MDFIC2: variants seen among roughly 807,000 people sequenced by gnomAD.
The protein encoded by MDFIC2 is myoD family inhibitor domain-containing protein 2.
At chr3:70,225,089 A>C (rs1288608938) in intron 2 of MDFIC2, among the ~76,000 whole-genome samples, 1 of 152,186 alleles carries the variant, frequency 6.6e-6, no homozygotes, top group Non-Finnish European at 1.5e-5. Context: ...TTACAGAATA[A>C]ATATATGGTA....
At chr3:70,231,556 G>A (rs1701560204) in intron 2 of MDFIC2, among the ~76,000 whole-genome samples, 2 of 152,304 alleles carry the variant, frequency 1.3e-5, no homozygotes, top group Non-Finnish European at 2.9e-5. Context: ...TGTTAGTTGT[G>A]CTGGATGATT....
rs146369469 is a variant in MDFIC2, at chr3:70,250,876, G to A, written c.89-44086C>T. Among the ~76,000 whole-genome samples, 55 of 152,136 alleles carry A rather than the reference G, an allele frequency of 3.6e-4. 1 individual carries two copies. In the East Asian group the frequency reaches 8.5e-3, roughly 23 times the overall value. On this transcript the variant is annotated intron_variant, in intron 2 of 3. Transcript: ENST00000567252. ...GGGCAGACTGTCAAATAGTAAGAAG[G>A]CTTCATCAAAAATATATAGTACATT...
intron 2 of MDFIC2, among the ~76,000 whole-genome samples, chr3:70,269,368 C>T (rs969724959): frequency 3.9e-5 from 6 of 152,164 alleles, no homozygotes; most frequent in Non-Finnish European, 8.8e-5. Flanking sequence ...TGTCTGGATA[C>T]ATAGACACCC....
intron 2 of MDFIC2, among the ~76,000 whole-genome samples, chr3:70,247,875 TAA>T (rs1339379555): frequency 2.6e-5 from 4 of 152,044 alleles, no homozygotes; most frequent in Admixed American, 1.3e-4. Context: ...AATAATATCA[TAA>T]GTTATTTTTT....
intron 2 of MDFIC2, among the ~76,000 whole-genome samples, chr3:70,247,467 AAT>A (rs993493150): frequency 1.3e-5 from 2 of 151,772 alleles, no homozygotes; most frequent in African/African-American, 4.8e-5. Flanking sequence ...TTTATCATAT[AAT>A]ATATATTATC....
intron 3 of MDFIC2, among the ~76,000 whole-genome samples, chr3:70,204,113 T>C (rs1307608986): frequency 1.3e-5 from 2 of 152,166 alleles, no homozygotes; most frequent in Non-Finnish European, 2.9e-5. Context: ...TTCCATCCTG[T>C]TTTAAGTGGG....
rs535852393 is a variant in MDFIC2, at chr3:70,231,035, A to G, written c.89-24245T>C. Among the ~76,000 whole-genome samples the G allele has an allele frequency of 2.0e-5, 3 of 152,310 alleles. 1 individual carries two copies. The South Asian group carries it at 6.2e-4, about 32-fold the overall frequency. The stretch of plus-strand genomic sequence containing the variant: ...CAGCCCTGGAACATCGTGTCTTACC[A>G]TCGCTCTGCATTTGCAACAAATGCT... On this transcript the variant is annotated intron_variant, in intron 2 of 3. Transcript: ENST00000567252.
intron 2 of MDFIC2, among the ~76,000 whole-genome samples, chr3:70,248,783 A>G (rs773149693): frequency 3.3e-5 from 5 of 152,134 alleles, no homozygotes; most frequent in South Asian, 2.1e-4. Flanking sequence ...AACCTGGTTA[A>G]TATAAAACAA....
intron 2 of MDFIC2, among the ~76,000 whole-genome samples, chr3:70,224,002 C>T (rs545046949): frequency 6.1e-4 from 93 of 152,144 alleles, no homozygotes; most frequent in African/African-American, 2.0e-3. Context: ...TGCAAGACTG[C>T]AGTATCTACA....
chr3:70,308,489 T>G (rs532963763), intron 2 of MDFIC2, among the ~76,000 whole-genome samples: 1 of 152,280 alleles, frequency 6.6e-6, no homozygotes, highest in African/African-American at 2.4e-5. Context: ...AGTCTAATTT[T>G]TTGTAACAGC....
intron 2 of MDFIC2, among the ~76,000 whole-genome samples, chr3:70,228,335 A>C (rs1008137514): frequency 2.0e-5 from 3 of 152,112 alleles, no homozygotes; most frequent in Admixed American, 1.3e-4. Context: ...TTCTTTAATC[A>C]AAGTTTCATT....
chr3:70,242,239 C>T (rs1490156514), intron 2 of MDFIC2, among the ~76,000 whole-genome samples: 3 of 152,140 alleles, frequency 2.0e-5, no homozygotes, highest in Admixed American at 6.6e-5. Context: ...CATTCATATG[C>T]CTCCAATTAA....
intron 2 of MDFIC2, among the ~76,000 whole-genome samples, chr3:70,304,785 C>T (rs1702384044): frequency 6.6e-6 from 1 of 152,178 alleles, no homozygotes; most frequent in African/African-American, 2.4e-5. Flanking sequence ...TTTAGAATCT[C>T]CCGTGGCTTC....
intron 2 of MDFIC2, among the ~76,000 whole-genome samples, chr3:70,287,680 TCTGGTC>T (rs1489458904): frequency 2.0e-5 from 3 of 152,138 alleles, no homozygotes; most frequent in Non-Finnish European, 4.4e-5. Context: ...TGTGAATCCG[TCTGGTC>T]CTGGACTCTT....
chr3:70,296,056 A>G (rs947960047), intron 2 of MDFIC2, among the ~76,000 whole-genome samples: 3 of 152,176 alleles, frequency 2.0e-5, no homozygotes, highest in Non-Finnish European at 4.4e-5. Context: ...CAGGATTCTG[A>G]ATCTGTTTTA....
intron 2 of MDFIC2, among the ~76,000 whole-genome samples, chr3:70,235,314 T>C (rs1701597106): frequency 6.6e-6 from 1 of 152,210 alleles, no homozygotes; most frequent in Non-Finnish European, 1.5e-5. Flanking sequence ...AAATCCTTTG[T>C]GCACTATTTT....
chr3:70,232,640 C>T (rs1032035436), intron 2 of MDFIC2, among the ~76,000 whole-genome samples: 5 of 151,976 alleles, frequency 3.3e-5, no homozygotes, highest in African/African-American at 4.8e-5. Context: ...GCTCGTGATC[C>T]GCCCGCCTCA....
At chr3:70,286,910 A>G (rs1410960743) in intron 2 of MDFIC2, among the ~76,000 whole-genome samples, 1 of 151,734 alleles carries the variant, frequency 6.6e-6, no homozygotes, top group Non-Finnish European at 1.5e-5. Context: ...TTGATTTTGT[A>G]TCCTGAGACT....
At chr3:70,269,783 A>G (rs1332127165) in intron 2 of MDFIC2, among the ~76,000 whole-genome samples, 2 of 152,188 alleles carry the variant, frequency 1.3e-5, no homozygotes, top group African/African-American at 4.8e-5. Flanking sequence ...CCAAATTGCT[A>G]AAAGGACAAA....
Sources: allele counts gnomAD v4.1 joint callset (sites outside exome capture counted in the v4.1 genomes callset), GRCh38; gene constraint gnomAD v4.1.1; transcripts MANE v1.5; gene names NCBI Gene and HGNC (gene_info 2026-07-23, HGNC 2026-07-21).